Variants in ULK4 observed in about 807,000 individuals in gnomAD.
The protein encoded by ULK4 is unc-51 like kinase 4.
ULK4 carries 133 observed loss-of-function variants against 160.6 expected under a neutral mutation model. That is an observed-to-expected ratio of 0.83 (90% CI 0.72 to 0.96). The LOEUF (loss-of-function observed/expected upper bound fraction) is 0.96. Among genes scored for constraint, ULK4 ranks in the 40% least tolerant of loss-of-function variants. ULK4 has a pLI of 0.00. For synonymous variants in ULK4, 534 were observed against 539.8 expected (o/e 0.99, Z 0.15); for missense variants, 1,580 against 1,499.5 (o/e 1.05, Z -0.89).
chr3:41,249,371 G>A, intron 36 of ULK4, 118 bp downstream of exon 36: 1 of 908,030 alleles, frequency 1.1e-6, no homozygotes, highest in Non-Finnish European at 1.7e-6. Context: ...GACAGTGATG[G>A]GCTGGAAGGT....
At chr3:41,656,623 G>C (rs912237438) in intron 30 of ULK4, among the ~76,000 whole-genome samples, 6 of 152,166 alleles carry the variant, frequency 3.9e-5, no homozygotes, top group Admixed American at 2.6e-4. Flanking sequence ...AATTAGAGAA[G>C]TCAACTGAAG....
chr3:41,253,039 A>G (rs977752755), intron 35 of ULK4, among the ~76,000 whole-genome samples: 17 of 152,242 alleles, frequency 1.1e-4, no homozygotes, highest in African/African-American at 3.8e-4. Context: ...TACCTAGAAG[A>G]TATCATTCAG....
chr3:41,914,575 G>C (rs1483035080), intron 8 of ULK4, among the ~76,000 whole-genome samples: 1 of 152,160 alleles, frequency 6.6e-6, no homozygotes, highest in African/African-American at 2.4e-5. Flanking sequence ...TCACATCAAA[G>C]AGATAACTAA....
intron 17 of ULK4, among the ~76,000 whole-genome samples, chr3:41,870,974 G>T (rs1400031130): frequency 6.6e-6 from 1 of 152,150 alleles, no homozygotes; most frequent in Non-Finnish European, 1.5e-5. Context: ...GTTCTCACAA[G>T]ATCTGATGGT....
intron 32 of ULK4, among the ~76,000 whole-genome samples, chr3:41,547,280 C>T (rs989794627): frequency 2.6e-5 from 4 of 152,158 alleles, no homozygotes; most frequent in African/African-American, 7.2e-5. Flanking sequence ...GCACACATGT[C>T]GTCCAAAAGG....
At chr3:41,376,539 A>G (rs980935041) in intron 35 of ULK4, among the ~76,000 whole-genome samples, 1 of 149,988 alleles carries the variant, frequency 6.7e-6, no homozygotes. Context: ...CAGGATACAA[A>G]ATCAATGTAC....
chr3:41,732,684 A>G (rs1431586606), intron 22 of ULK4, among the ~76,000 whole-genome samples: 1 of 152,200 alleles, frequency 6.6e-6, no homozygotes, highest in Non-Finnish European at 1.5e-5. Flanking sequence ...TTACTGCAGC[A>G]CTGTTCACAA....
At position 41,705,332 on chromosome 3, in the gene ULK4, T is replaced by C. The variant is rs1553637093; in HGVS notation, c.2635-27A>G. On this transcript the variant is annotated intron_variant, in intron 25 of 36. Coordinates refer to ENST00000301831, the MANE Select transcript of ULK4 (RefSeq NM_017886.4). ...TGAAAAAAAATAAATTTTTAATAAA[T>C]AGAGTTTCAAAGTAACTCTGAAATA... The C allele has an allele frequency of 8.3e-6, 13 of 1,558,750 alleles. No individual in the cohort carries two copies. The Admixed American group carries it at 1.7e-4, about 21-fold the overall frequency.
chr3:41,397,474 T>C (rs2082086854), intron 35 of ULK4, among the ~76,000 whole-genome samples: 1 of 152,104 alleles, frequency 6.6e-6, no homozygotes, highest in African/African-American at 2.4e-5. Context: ...ATATGATGGA[T>C]TGAGAAGGAC....
At chr3:41,494,260 C>T (rs1476503455) in intron 32 of ULK4, among the ~76,000 whole-genome samples, 4 of 110,536 alleles carry the variant, frequency 3.6e-5, no homozygotes, top group African/African-American at 1.3e-4. Flanking sequence ...CCCTGGGATG[C>T]AAGGCTGGTT....
chr3:41,371,730 T>G (rs940382155), intron 35 of ULK4, among the ~76,000 whole-genome samples: 7 of 151,936 alleles, frequency 4.6e-5, no homozygotes, highest in Non-Finnish European at 1.0e-4. Flanking sequence ...AAAACCAGAA[T>G]GCCTATTCTC....
intron 21 of ULK4, among the ~76,000 whole-genome samples, chr3:41,759,183 G>A (rs1451906909): frequency 6.6e-6 from 1 of 152,032 alleles, no homozygotes; most frequent in East Asian, 1.9e-4. Flanking sequence ...GCTATAGCCA[G>A]TATAAGAAGA....
chr3:41,316,068 T>C (rs1460976185), intron 35 of ULK4, among the ~76,000 whole-genome samples: 8 of 152,098 alleles, frequency 5.3e-5, no homozygotes, highest in Non-Finnish European at 1.0e-4. Context: ...AAAACATATG[T>C]GCACACAAAA....
chr3:41,531,114 C>T (rs1161546922), intron 32 of ULK4, among the ~76,000 whole-genome samples: 1 of 149,728 alleles, frequency 6.7e-6, no homozygotes, highest in African/African-American at 2.5e-5. Context: ...GATACTGTAA[C>T]AGGGGATAGT....
chr3:41,515,732 C>A (rs9840825), intron 32 of ULK4, among the ~76,000 whole-genome samples: 190 of 152,242 alleles, frequency 1.2e-3, no homozygotes, highest in African/African-American at 4.3e-3. Flanking sequence ...AGGGAAAGTG[C>A]CCCCATGATC....
intron 22 of ULK4, among the ~76,000 whole-genome samples, chr3:41,742,392 G>A (rs1350903048): frequency 6.6e-6 from 1 of 151,846 alleles, no homozygotes. Flanking sequence ...GTGTCTGAGT[G>A]GAGAGCTATC....
chr3:41,579,095 A>C (rs1045103495), intron 31 of ULK4, among the ~76,000 whole-genome samples: 3 of 152,206 alleles, frequency 2.0e-5, no homozygotes, highest in Non-Finnish European at 2.9e-5. Context: ...CCAGCCGTAC[A>C]AGTCCACAAG....
chr3:41,506,764 T>TAAAAAAAAAAAAA (rs200785051), intron 32 of ULK4, among the ~76,000 whole-genome samples: 209 of 19,900 alleles, frequency 0.011, 39 homozygotes, highest in African/African-American at 0.019. Flanking sequence ...GAGTGTGATT[T>TAAAAAAAAAAAAA]AAAATATATA....
Position 41,931,892 on chromosome 3 carries a change from C to A in ULK4, c.493G>T (p.Asp165Tyr). The A allele has an allele frequency of 6.2e-7, 1 of 1,614,118 alleles. No homozygotes were observed. Among genetic ancestry groups the A allele is most frequent in the Non-Finnish European group, 8.5e-7 (1 of 1,180,024 alleles). ...ALVAAEEGGG[D>Y]NGENVLKKSM... ...TTCTTCAGGACATTTTCCCCATTAT[C>A]ACCTCCTCCTTCCTCTGCTGCCACC... The change falls in exon 5 of 37, where the codon GAT becomes TAT. Residue 165 changes from aspartate (D) to tyrosine (Y), a missense_variant. Physicochemically the swap from Asp to Tyr is radical, Grantham distance 160. Transcript: ENST00000301831.
Sources: allele counts gnomAD v4.1 joint callset (sites outside exome capture counted in the v4.1 genomes callset), GRCh38; gene constraint gnomAD v4.1.1; transcripts MANE v1.5; gene names NCBI Gene and HGNC (gene_info 2026-07-23, HGNC 2026-07-21).